Variants in WDR20 observed in about 807,000 individuals in gnomAD.
WDR20 encodes WD repeat-containing protein 20.
WDR20 carries 3 observed loss-of-function variants against 38.7 expected under a neutral mutation model. That is an observed-to-expected ratio of 0.08 (90% CI 0.04 to 0.20). The LOEUF is 0.20. Ranked by LOEUF, WDR20 falls within the 10% of genes least tolerant of loss-of-function variation. WDR20 has a pLI of 1.00. For missense variants in WDR20, 559 were observed against 727.7 expected (o/e 0.77, Z 2.67); for synonymous variants, 298 against 285.6 (o/e 1.04, Z -0.44).
At position 102,208,630 on chromosome 14, in the gene WDR20, T is replaced by C. The variant is rs1488663439; in HGVS notation, c.460T>C (p.Cys154Arg). 7 of 1,610,176 alleles carry C rather than the reference T, an allele frequency of 4.3e-6. No individual in the cohort carries two copies. In the Admixed American group the frequency reaches 8.3e-5, roughly 19 times the overall value. Residue 154 changes from cysteine to arginine, a missense_variant, in exon 3 of 3, where the codon TGT becomes CGT. Transcript: ENST00000342702. The surrounding 1 kb of genome is among the most constrained non-coding windows in gnomAD (Gnocchi z 5.6). ...ACTAATAGACAAGTCACGAGTTACC[T>C]GTGTCAAATGGGTTCCCGGTTCGGA... ...ERLIDKSRVTCVKWVPGSESL... is the reference protein window; with the variant it reads ...ERLIDKSRVTRVKWVPGSESL...
At chr14:102,174,527 C>T (rs1007595404) in intron 1 of WDR20, among the ~76,000 whole-genome samples, 6 of 152,210 alleles carry the variant, frequency 3.9e-5, no homozygotes, top group African/African-American at 1.4e-4. Context: ...TCAAGCGATT[C>T]TCCTGTCTCA....
At chr14:102,149,592 G>C (rs1351232072) in intron 1 of WDR20, among the ~76,000 whole-genome samples, 2 of 152,164 alleles carry the variant, frequency 1.3e-5, no homozygotes, top group Admixed American at 1.3e-4. Context: ...CTGATTGAGC[G>C]TAAGATGTCC....
intron 1 of WDR20, among the ~76,000 whole-genome samples, chr14:102,141,774 CAG>C (rs1204831365): frequency 6.6e-6 from 1 of 152,026 alleles, no homozygotes; most frequent in African/African-American, 2.4e-5. Flanking sequence ...CATTGATAAT[CAG>C]AGTGAAAGGA....
At position 102,140,010 on chromosome 14, in the gene WDR20, C is replaced by T. The variant is rs761770982; in HGVS notation, c.87C>T (p.His29=). The T allele has an allele frequency of 1.2e-6, 2 of 1,614,142 alleles. No homozygotes were observed. The highest frequency in any genetic ancestry group is 1.7e-6 in the Non-Finnish European group (2 of 1,180,046). The change falls in exon 1 of 3, where the codon CAC becomes CAT. Residue 29 remains histidine (H), a synonymous_variant. Transcript: ENST00000342702. ...TREGLYKLLP[H]SEYSRPNRVP... is the part of the protein sequence containing the mutation. ...AAGGTCTGTACAAGCTGCTGCCGCA[C>T]TCGGAGTACAGCCGGCCCAACCGGG...
chr14:102,210,202 T>C lies in WDR20; in HGVS notation c.*322T>C, dbSNP rs1180516199. 4 of 1,048,964 alleles carry C rather than the reference T, an allele frequency of 3.8e-6. No homozygotes were observed. Among genetic ancestry groups the C allele is most frequent in the East Asian group, 1.5e-4 (2 of 12,906 alleles). 65.0% of individuals were successfully genotyped at this position (1,048,964 alleles called of 1,614,324 possible). On this transcript the variant is annotated 3_prime_UTR_variant, in exon 3 of 3. Coordinates refer to ENST00000342702, the MANE Select transcript of WDR20 (RefSeq NM_144574.4). ...CATGACCATGTGGGGAAACAATGAC[T>C]TTAAAATGCTGAAATTAAAATTTAT...
chr14:102,199,535 C>T (rs138726835), intron 2 of WDR20, among the ~76,000 whole-genome samples: 9 of 152,184 alleles, frequency 5.9e-5, no homozygotes, highest in East Asian at 1.9e-4. Context: ...AGGGTTGGCC[C>T]GCTGGTCACA....
In WDR20 at chr14:102,220,235, G is replaced by A. The variant is rs1009905122; in HGVS notation, c.1693-2595G>A. Among the ~76,000 whole-genome samples the A allele has an allele frequency of 6.6e-6, 1 of 152,168 alleles. No homozygotes were observed. Among genetic ancestry groups the A allele is most frequent in the Non-Finnish European group, 1.5e-5 (1 of 68,030 alleles). On this transcript the variant is annotated intron_variant, in intron 3 of 3. Transcript: ENST00000335263. This position sits in a 1 kb window ranked among gnomAD's most constrained non-coding sequence, Gnocchi z 4.2. ...TCTGGGGCCTCACACTCAGTGAGAG[G>A]AAGTCTAAGGAAGGGTGCTGTCCCT...
chr14:102,218,051 C>T (rs1190559), downstream of WDR20, among the ~76,000 whole-genome samples: 2 of 152,186 alleles, frequency 1.3e-5, no homozygotes, highest in African/African-American at 2.4e-5. Flanking sequence ...ACCAAGCTCC[C>T]GGATGTTGTG....
At chr14:102,203,919 G>A (rs1331206628) in intron 2 of WDR20, among the ~76,000 whole-genome samples, 1 of 152,072 alleles carries the variant, frequency 6.6e-6, no homozygotes, top group Non-Finnish European at 1.5e-5. Flanking sequence ...TTAATTAAAT[G>A]TTCTAGGTAT....
chr14:102,207,258 G>T lies in WDR20; in HGVS notation c.433-1345G>T, dbSNP rs2061716079. On this transcript the variant is annotated intron_variant, in intron 2 of 2. Coordinates refer to ENST00000342702, the MANE Select transcript of WDR20 (RefSeq NM_144574.4). The surrounding 1 kb of genome is among the most constrained non-coding windows in gnomAD (Gnocchi z 5.0). The stretch of plus-strand genomic sequence containing the variant: ...CCGTTCTTCCTGCCTGGGGTCCTTT[G>T]TTAGCAGCCTACTTTCTAGGGTCTA... Among the ~76,000 whole-genome samples the T allele has an allele frequency of 1.3e-5, 2 of 152,376 alleles. No homozygotes were observed. The highest frequency in any genetic ancestry group is 4.8e-5 in the African/African-American group (2 of 41,584).
chr14:102,213,312 T>G (rs2062789355), downstream of WDR20: 1 of 985,348 alleles, frequency 1.0e-6, no homozygotes, highest in Non-Finnish European at 1.2e-6. Context: ...AGCAAATGCA[T>G]GTGCAGGAGT....
At chr14:102,224,506 G>A (rs1310382316), downstream of WDR20, 10 of 446,164 alleles carry the variant, frequency 2.2e-5, no homozygotes, top group African/African-American at 8.1e-5. Context: ...TGGATCCTTC[G>A]AAAGCTTTAT....
At chr14:102,203,310 A>G (rs1220007946) in intron 2 of WDR20, among the ~76,000 whole-genome samples, 1 of 152,226 alleles carries the variant, frequency 6.6e-6, no homozygotes, top group East Asian at 1.9e-4. Context: ...TTTTATATAT[A>G]TATCTCCAAA....
chr14:102,172,864 G>T (rs1172098205), intron 1 of WDR20, among the ~76,000 whole-genome samples: 3 of 149,204 alleles, frequency 2.0e-5, no homozygotes, highest in African/African-American at 7.3e-5. Context: ...CGGGGCGGTT[G>T]CCAGGCGGAG....
downstream of WDR20, chr14:102,214,202 G>A (rs771707736): frequency 8.5e-5 from 84 of 985,544 alleles, no homozygotes; most frequent in Non-Finnish European, 9.9e-5. Flanking sequence ...GGGTGACAAA[G>A]GTGAAGGTTT....
chr14:102,210,276 C>T lies in WDR20; in HGVS notation c.*396C>T, dbSNP rs1039872977. ...TTAACTACTCAATTAGAATATTGTA[C>T]ACCTGATCAATGTGTGTTCAGCACA... On this transcript the variant is annotated 3_prime_UTR_variant, in exon 3 of 3. Transcript: ENST00000342702. The T allele has an allele frequency of 3.0e-6, 3 of 1,001,442 alleles. No individual in the cohort carries two copies. The highest frequency in any genetic ancestry group is 4.4e-5 in the South Asian group (1 of 22,906). The allele number at this position is 1,001,442 out of a possible 1,614,324, so 62.0% of individuals were successfully genotyped here. A position where few individuals can be genotyped will look rare whatever the true frequency, so the allele number is the denominator to read the frequency against.
At chr14:102,212,314 G>T (rs1011214363), downstream of WDR20, among the ~76,000 whole-genome samples, 1 of 152,170 alleles carries the variant, frequency 6.6e-6, no homozygotes, top group African/African-American at 2.4e-5. Flanking sequence ...CTTGTCTGGG[G>T]CCCCTTCGTT....
chr14:102,214,774 T>C (rs2063006537), downstream of WDR20: 1 of 979,358 alleles, frequency 1.0e-6, no homozygotes, highest in African/African-American at 1.7e-5. Context: ...TAACATGAAA[T>C]ATTGGTAAAT....
chr14:102,201,077 A>G (rs527952680), intron 2 of WDR20, among the ~76,000 whole-genome samples: 4 of 152,366 alleles, frequency 2.6e-5, no homozygotes, highest in African/African-American at 9.6e-5. Context: ...ATGAGCCCGT[A>G]ATGATCTACT....
Sources: allele counts gnomAD v4.1 joint callset (sites outside exome capture counted in the v4.1 genomes callset), GRCh38; gene constraint gnomAD v4.1.1; non-coding constraint Gnocchi (gnomAD v3.1); transcripts MANE v1.5; gene names NCBI Gene and HGNC (gene_info 2026-07-23, HGNC 2026-07-21).